ALCAM: variants seen among roughly 807,000 people sequenced by gnomAD.
ALCAM encodes the protein activated leukocyte cell adhesion molecule, also known as CD166 antigen.
A neutral mutation model predicts 70.9 loss-of-function variants in ALCAM; 30 were observed. The observed-to-expected ratio is 0.42, with a 90% CI of 0.32 to 0.57. The LOEUF is 0.57. Ranked by LOEUF, ALCAM falls within the 20% of genes least tolerant of loss-of-function variation. ALCAM has a pLI of 0.11. For synonymous variants in ALCAM, 249 were observed against 242.5 expected (o/e 1.03, Z -0.25); for missense variants, 591 against 695.1 (o/e 0.85, Z 1.68).
chr3:105,378,588 G>C (rs934763156), intron 1 of ALCAM, among the ~76,000 whole-genome samples: 4 of 149,524 alleles, frequency 2.7e-5, no homozygotes, highest in African/African-American at 7.4e-5. Flanking sequence ...TAAATCCCCT[G>C]TTCCACCCAG....
intron 11 of ALCAM, among the ~76,000 whole-genome samples, chr3:105,549,449 A>G (rs918620890): frequency 6.6e-6 from 1 of 151,474 alleles, no homozygotes; most frequent in Non-Finnish European, 1.5e-5. Flanking sequence ...TGACCGAGAA[A>G]AGAGTGCAAG....
chr3:105,458,848 G>A (rs1295617399), intron 1 of ALCAM, among the ~76,000 whole-genome samples: 6 of 152,036 alleles, frequency 3.9e-5, no homozygotes, highest in Admixed American at 1.3e-4. Context: ...ATCTTACATG[G>A]CATATTGCAG....
chr3:105,459,625 T>G (rs1937576839), intron 1 of ALCAM, among the ~76,000 whole-genome samples: 1 of 152,060 alleles, frequency 6.6e-6, no homozygotes, highest in Non-Finnish European at 1.5e-5. Flanking sequence ...CCCTTGAAGA[T>G]CAGGGAGTTA....
chr3:105,436,119 GC>G (rs1367796748), intron 1 of ALCAM, among the ~76,000 whole-genome samples: 1 of 152,128 alleles, frequency 6.6e-6, no homozygotes. Context: ...GGAAAGACCT[GC>G]CCCCATGATT....
chr3:105,514,522 T>C (rs955875080), intron 1 of ALCAM, among the ~76,000 whole-genome samples: 1 of 152,026 alleles, frequency 6.6e-6, no homozygotes, highest in African/African-American at 2.4e-5. Flanking sequence ...TAAAACTTTA[T>C]TGTTTGTGTA....
At chr3:105,552,400 G>A in intron 13 of ALCAM, 68 bp from the exon 14 acceptor site, 1 of 1,485,516 alleles carries the variant, frequency 6.7e-7, no homozygotes, top group East Asian at 2.3e-5. Context: ...CAAAGTAATA[G>A]CTAGATTGAC....
intron 12 of ALCAM, among the ~76,000 whole-genome samples, chr3:105,550,950 A>T (rs1272835226): frequency 6.6e-6 from 1 of 151,708 alleles, no homozygotes; most frequent in East Asian, 1.9e-4. Context: ...ATAATCTTCA[A>T]TTCTATAGTT....
In ALCAM at chr3:105,459,554, A is replaced by G. The variant is rs143307139; in HGVS notation, c.74-60513A>G. On this transcript the variant is annotated intron_variant, in intron 1 of 15. Coordinates refer to ENST00000306107, the MANE Select transcript of ALCAM (RefSeq NM_001627.4). ...ATGGCACTACCATGGTCCAAGCCCT[A>G]TTGTATGTCATGTTTATTTGCAAAA... is the stretch of plus-strand genomic sequence containing the variant. 3.3e-5 allele frequency among the ~76,000 whole-genome samples: 5 copies of G among 152,028 alleles called. 1 individual carries two copies. In the East Asian group the frequency reaches 9.7e-4, roughly 29 times the overall value.
intron 1 of ALCAM, among the ~76,000 whole-genome samples, chr3:105,434,600 A>G (rs1162987357): frequency 6.6e-6 from 1 of 152,052 alleles, no homozygotes; most frequent in Non-Finnish European, 1.5e-5. Context: ...CTCTTGGGCA[A>G]TTACTAAAGT....
rs190341274 is a variant in ALCAM, at chr3:105,435,802, T to C, written c.73+68321T>C. Among the ~76,000 whole-genome samples the C allele has an allele frequency of 4.3e-3, 660 of 152,334 alleles. 16 individuals are homozygous for C. The highest frequency in any genetic ancestry group is 0.037 in the Admixed American group (573 of 15,302). ...GTTTTTTTTTGTTTGTTTGTTTGTT[T>C]TTTTTTGAGACGGAGTCTCGCTCTG... On this transcript the variant is annotated intron_variant, in intron 1 of 15. Transcript: ENST00000306107.
intron 1 of ALCAM, among the ~76,000 whole-genome samples, chr3:105,452,100 G>GTTT (rs201338872): frequency 6.6e-6 from 1 of 151,074 alleles, no homozygotes; most frequent in Non-Finnish European, 1.5e-5. Flanking sequence ...TCATTTTTTG[G>GTTT]TTTTTTTTTC....
chr3:105,563,590 A>G (rs879238937), intron 14 of ALCAM, among the ~76,000 whole-genome samples: 41 of 143,468 alleles, frequency 2.9e-4, no homozygotes, highest in African/African-American at 1.1e-3. Context: ...GTGTTTTCTT[A>G]TTCATTCAGT....
rs370447081 is a variant in ALCAM at position 105,571,951 on chromosome 3, T to A, written c.*12T>A. The A allele has an allele frequency of 6.3e-7, 1 of 1,594,688 alleles. No individual in the cohort carries two copies. Among genetic ancestry groups the A allele is most frequent in the African/African-American group, 1.3e-5 (1 of 74,354 alleles). On this transcript the variant is annotated 3_prime_UTR_variant, in exon 15 of 16. Coordinates refer to ENST00000306107, the MANE Select transcript of ALCAM (RefSeq NM_001627.4). ...AAACTGAAGCCTAAGAGAGAAACTG[T>A]CCTAGTTGTCCAGGTGAGTAGTCTG...
chr3:105,494,943 G>T (rs933410148), intron 1 of ALCAM, among the ~76,000 whole-genome samples: 4 of 152,122 alleles, frequency 2.6e-5, no homozygotes, highest in African/African-American at 9.7e-5. Flanking sequence ...TTATAGGCAT[G>T]AACCACTGCA....
intron 1 of ALCAM, among the ~76,000 whole-genome samples, chr3:105,370,664 CT>C (rs959708135): frequency 1.3e-5 from 2 of 150,708 alleles, no homozygotes; most frequent in African/African-American, 4.9e-5. Flanking sequence ...TTCTAATTTC[CT>C]TTTTTTTTCT....
At chr3:105,482,152 G>A (rs1254270887) in intron 1 of ALCAM, among the ~76,000 whole-genome samples, 2 of 151,856 alleles carry the variant, frequency 1.3e-5, no homozygotes, top group South Asian at 2.1e-4. Flanking sequence ...TCACTCTGTC[G>A]CCCACGCTAG....
intron 1 of ALCAM, among the ~76,000 whole-genome samples, chr3:105,501,182 C>T (rs866975147): frequency 6.6e-6 from 1 of 152,018 alleles, no homozygotes; most frequent in African/African-American, 2.4e-5. Flanking sequence ...TTATCATTAG[C>T]GAGAGTGACT....
rs150389069 is a variant in ALCAM at position 105,559,649 on chromosome 3, T to C, written c.1664+7064T>C. ...CAAACATTCAGTATATAGCAGTGAC[T>C]ACTACTCCCTTCAAGATAAAGAGCA... On this transcript the variant is annotated intron_variant, in intron 14 of 15. Transcript: ENST00000306107. Among the ~76,000 whole-genome samples, 210 of 152,230 alleles carry C rather than the reference T, an allele frequency of 1.4e-3. 1 individual carries two copies. The highest frequency in any genetic ancestry group is 4.6e-3 in the African/African-American group (190 of 41,532).
At chr3:105,560,405 G>T (rs1024183036) in intron 14 of ALCAM, among the ~76,000 whole-genome samples, 15 of 152,020 alleles carry the variant, frequency 9.9e-5, no homozygotes, top group Non-Finnish European at 5.9e-5. Flanking sequence ...TAATTGATTT[G>T]TAAGAGTTCT....
Sources: allele counts gnomAD v4.1 joint callset (sites outside exome capture counted in the v4.1 genomes callset), GRCh38; gene constraint gnomAD v4.1.1; transcripts MANE v1.5; gene names NCBI Gene and HGNC (gene_info 2026-07-23, HGNC 2026-07-21).